EPHA6: variants seen among roughly 807,000 people sequenced by gnomAD.
The protein encoded by EPHA6 is ephrin type-A receptor 6.
A neutral mutation model predicts 112.0 loss-of-function variants in EPHA6; 50 were observed. The observed-to-expected ratio is 0.45, with a 90% confidence interval of 0.36 to 0.56. The LOEUF (loss-of-function observed/expected upper bound fraction) is 0.56. Among genes scored for constraint, EPHA6 ranks in the 20% least tolerant of loss-of-function variants. The pLI is 0.00. For synonymous variants in EPHA6, 529 were observed against 490.7 expected, an observed-to-expected ratio of 1.08 and a Z score of -1.03; for missense variants, 1,280 against 1,417.4, an observed-to-expected ratio of 0.90 and a Z score of 1.56.
intron 10 of EPHA6, among the ~76,000 whole-genome samples, chr3:97,496,799 A>G (rs2091989716): frequency 6.6e-6 from 1 of 151,516 alleles, no homozygotes; most frequent in South Asian, 2.1e-4. Context: ...ACCTAAGTGC[A>G]TTGATGCACA....
intron 9 of EPHA6, chr3:97,481,612 G>T: frequency 2.0e-6 from 1 of 491,692 alleles, no homozygotes; most frequent in Non-Finnish European, 3.8e-6. Flanking sequence ...GGGAGCAGCT[G>T]TTGCGCCCTC....
At chr3:97,056,407 G>T (rs989289036) in intron 3 of EPHA6, among the ~76,000 whole-genome samples, 1 of 152,092 alleles carries the variant, frequency 6.6e-6, no homozygotes, top group Non-Finnish European at 1.5e-5. Flanking sequence ...TCACAAATCT[G>T]TTCTTTTATC....
intron 3 of EPHA6, among the ~76,000 whole-genome samples, chr3:97,034,203 A>T (rs2044992530): frequency 6.6e-6 from 1 of 151,968 alleles, no homozygotes; most frequent in African/African-American, 2.4e-5. Flanking sequence ...TATTCTGATA[A>T]AAATGAAAAT....
chr3:97,481,275 T>C, intron 9 of EPHA6: 1 of 1,500,284 alleles, frequency 6.7e-7, no homozygotes, highest in Non-Finnish European at 9.3e-7. Context: ...GAATAAATAA[T>C]GAATGTTTTC....
chr3:96,996,845 C>T (rs2043442729), intron 3 of EPHA6, among the ~76,000 whole-genome samples: 1 of 152,036 alleles, frequency 6.6e-6, no homozygotes, highest in African/African-American at 2.4e-5. Context: ...GCATTAGGTC[C>T]TAACAAGAGA....
At chr3:97,649,601 T>C (rs939475230) in intron 14 of EPHA6, among the ~76,000 whole-genome samples, 6 of 152,030 alleles carry the variant, frequency 3.9e-5, no homozygotes, top group African/African-American at 1.2e-4. Flanking sequence ...ATTATCAGAA[T>C]GCTATGATGT....
chr3:96,890,036 T>C (rs2037862535), intron 2 of EPHA6, among the ~76,000 whole-genome samples: 1 of 152,002 alleles, frequency 6.6e-6, no homozygotes, highest in African/African-American at 2.4e-5. Context: ...GAACTAGAGC[T>C]CTAAATCTGA....
At chr3:97,208,010 C>T (rs970419923) in intron 3 of EPHA6, among the ~76,000 whole-genome samples, 8 of 152,050 alleles carry the variant, frequency 5.3e-5, no homozygotes, top group African/African-American at 1.9e-4. Context: ...CCAATCAGAC[C>T]CATCACATCT....
intron 2 of EPHA6, among the ~76,000 whole-genome samples, chr3:96,974,425 G>C (rs1010546676): frequency 6.7e-6 from 1 of 149,432 alleles, no homozygotes; most frequent in Non-Finnish European, 1.5e-5. Flanking sequence ...AGTTTGGTCA[G>C]GTGCTTGCTT....
At chr3:97,256,836 A>G (rs2079330648) in intron 5 of EPHA6, among the ~76,000 whole-genome samples, 1 of 152,008 alleles carries the variant, frequency 6.6e-6, no homozygotes, top group African/African-American at 2.4e-5. Flanking sequence ...CTCCATGTGG[A>G]TATGGAAACT....
chr3:97,445,037 G>A (rs2090286048), intron 6 of EPHA6, among the ~76,000 whole-genome samples: 1 of 152,052 alleles, frequency 6.6e-6, no homozygotes, highest in Non-Finnish European at 1.5e-5. Context: ...TGCCCTGTTT[G>A]ACAGTGCTCT....
intron 3 of EPHA6, among the ~76,000 whole-genome samples, chr3:97,099,452 A>T (rs563228910): frequency 2.6e-5 from 4 of 151,876 alleles, no homozygotes; most frequent in Non-Finnish European, 4.4e-5. Flanking sequence ...ATGTTCAGTT[A>T]TTAAAGGATT....
intron 5 of EPHA6, among the ~76,000 whole-genome samples, chr3:97,322,902 A>G (rs2082187950): frequency 6.6e-6 from 1 of 152,006 alleles, no homozygotes; most frequent in African/African-American, 2.4e-5. Context: ...TATATTATTT[A>G]ATCAAATTTT....
At chr3:96,959,834 A>G (rs908765528) in intron 2 of EPHA6, among the ~76,000 whole-genome samples, 1 of 151,944 alleles carries the variant, frequency 6.6e-6, no homozygotes, top group Non-Finnish European at 1.5e-5. Context: ...CTGCTTGGAG[A>G]GAATAGAGAA....
At chr3:97,054,884 A>G (rs1272807473) in intron 3 of EPHA6, among the ~76,000 whole-genome samples, 1 of 151,964 alleles carries the variant, frequency 6.6e-6, no homozygotes, top group African/African-American at 2.4e-5. Flanking sequence ...AAACCTTTCC[A>G]AGGGTAATGA....
At chr3:96,828,205 T>C (rs1222652238) in intron 1 of EPHA6, among the ~76,000 whole-genome samples, 1 of 152,142 alleles carries the variant, frequency 6.6e-6, no homozygotes, top group East Asian at 1.9e-4. Context: ...ATTGGGGTTC[T>C]ACTAAACTTT....
At chr3:97,340,073 T>A (rs1341219147) in intron 5 of EPHA6, among the ~76,000 whole-genome samples, 5 of 152,212 alleles carry the variant, frequency 3.3e-5, no homozygotes, top group African/African-American at 1.2e-4. Context: ...AGATAAAAAA[T>A]TTTTGAGATG....
chr3:97,114,707 T>C (rs777421349), intron 3 of EPHA6, among the ~76,000 whole-genome samples: 25 of 152,030 alleles, frequency 1.6e-4, no homozygotes, highest in Middle Eastern at 3.2e-3. Context: ...AAAAATGTCT[T>C]TTTTGCTGTG....
At chr3:97,112,165 A>G (rs62265076) in intron 3 of EPHA6, among the ~76,000 whole-genome samples, 9,970 of 152,204 alleles carry the variant, frequency 0.066, 371 homozygotes, top group Middle Eastern at 0.14. Flanking sequence ...AAAAACAAAG[A>G]CAATTTTCAT....
Sources: gnomAD v4.1 joint callset for allele counts (sites outside exome capture counted in the v4.1 genomes callset) on GRCh38, gnomAD v4.1.1 for gene constraint, MANE v1.5 for transcripts, NCBI Gene and HGNC (gene_info 2026-07-23, HGNC 2026-07-21) for gene names.